CARMIL1: variants seen among roughly 807,000 people sequenced by gnomAD.
CARMIL1 encodes the protein capping protein regulator and myosin 1 linker 1.
CARMIL1 carries 90 observed loss-of-function variants against 177.1 expected under a neutral mutation model. The observed-to-expected ratio is 0.51, with a 90% CI of 0.43 to 0.61. The LOEUF is 0.61. CARMIL1 is among the 20% of genes least tolerant of loss of function. The probability of loss-of-function intolerance (pLI) is 0.00; values close to 1 mark genes in which losing one functional copy is unlikely to be tolerated. For synonymous variants in CARMIL1, 577 were observed against 606.2 expected, an observed-to-expected ratio of 0.95 and a Z score of 0.71; for missense variants, 1,380 against 1,667.0, an observed-to-expected ratio of 0.83 and a Z score of 3.00.
intron 24 of CARMIL1, among the ~76,000 whole-genome samples, chr6:25,532,016 C>A (rs372477035): frequency 3.3e-5 from 5 of 152,152 alleles, no homozygotes; most frequent in Non-Finnish European, 5.9e-5. Flanking sequence ...AGTGATCCAC[C>A]CACCTTGGCC....
chr6:25,357,450 G>GTAATT (rs569180388), intron 2 of CARMIL1, among the ~76,000 whole-genome samples: 221 of 152,174 alleles, frequency 1.5e-3, no homozygotes, highest in African/African-American at 5.1e-3. Context: ...CGGATGTGTT[G>GTAATT]GTACATGCTT....
intron 17 of CARMIL1, among the ~76,000 whole-genome samples, chr6:25,506,743 T>TA (rs891888413): frequency 6.0e-4 from 92 of 152,282 alleles, no homozygotes; most frequent in African/African-American, 2.1e-3. Flanking sequence ...AAAATTAATT[T>TA]AAAAAAAATT....
intron 2 of CARMIL1, among the ~76,000 whole-genome samples, chr6:25,299,791 A>G (rs1371932039): frequency 6.6e-6 from 1 of 152,024 alleles, no homozygotes; most frequent in East Asian, 1.9e-4. Context: ...CAGCCTGGCC[A>G]ACATGGCGAA....
At chr6:25,496,483 A>AC (rs1177415210) in intron 16 of CARMIL1, among the ~76,000 whole-genome samples, 1 of 151,880 alleles carries the variant, frequency 6.6e-6, no homozygotes, top group African/African-American at 2.4e-5. Flanking sequence ...AAAAAAAAAA[A>AC]AAAAAAACCA....
intron 2 of CARMIL1, among the ~76,000 whole-genome samples, chr6:25,383,080 A>G (rs1418627485): frequency 6.6e-6 from 1 of 152,148 alleles, no homozygotes; most frequent in African/African-American, 2.4e-5. Flanking sequence ...GTTGAGTACT[A>G]TGGGGTGATT....
chr6:25,408,037 A>G (rs1794546531), intron 2 of CARMIL1, among the ~76,000 whole-genome samples: 1 of 152,126 alleles, frequency 6.6e-6, no homozygotes, highest in African/African-American at 2.4e-5. Flanking sequence ...GTGCATGACT[A>G]TAATCCAAAC....
intron 2 of CARMIL1, among the ~76,000 whole-genome samples, chr6:25,360,711 G>C (rs1012710419): frequency 6.6e-6 from 1 of 152,206 alleles, no homozygotes; most frequent in Non-Finnish European, 1.5e-5. Flanking sequence ...GAGTAACAGG[G>C]ACATATTGGG....
intron 2 of CARMIL1, among the ~76,000 whole-genome samples, chr6:25,332,699 T>A (rs1785752265): frequency 6.7e-6 from 1 of 149,564 alleles, no homozygotes; most frequent in African/African-American, 2.5e-5. Context: ...AGGGTAGAGA[T>A]TCTGTCTCCA....
chr6:25,425,152 C>G (rs373154287), intron 3 of CARMIL1, among the ~76,000 whole-genome samples: 6 of 152,134 alleles, frequency 3.9e-5, no homozygotes, highest in Admixed American at 2.0e-4. Flanking sequence ...GCATTTAGCT[C>G]TTGGAGGACA....
At chr6:25,609,836 A>C (rs1166506477) in intron 35 of CARMIL1, among the ~76,000 whole-genome samples, 1 of 152,234 alleles carries the variant, frequency 6.6e-6, no homozygotes, top group Non-Finnish European at 1.5e-5. Context: ...ATATTTGTGC[A>C]GATATTAACT....
chr6:25,535,522 C>T (rs1306613740), intron 24 of CARMIL1, among the ~76,000 whole-genome samples: 1 of 152,108 alleles, frequency 6.6e-6, no homozygotes, highest in African/African-American at 2.4e-5. Flanking sequence ...AATTGAGCTT[C>T]ATAAACTATG....
At chr6:25,289,074 T>C (rs546718493) in intron 2 of CARMIL1, among the ~76,000 whole-genome samples, 2 of 152,298 alleles carry the variant, frequency 1.3e-5, no homozygotes, top group East Asian at 3.9e-4. Flanking sequence ...ATGATGCCTC[T>C]TGGGACAGTT....
At chr6:25,403,200 C>G (rs1054696613) in intron 2 of CARMIL1, among the ~76,000 whole-genome samples, 2 of 151,718 alleles carry the variant, frequency 1.3e-5, no homozygotes, top group Non-Finnish European at 2.9e-5. Flanking sequence ...GGGTGTAAAC[C>G]AAACTGTTAC....
At chr6:25,571,682 C>A (rs1275437413) in intron 29 of CARMIL1, among the ~76,000 whole-genome samples, 1 of 152,224 alleles carries the variant, frequency 6.6e-6, no homozygotes, top group African/African-American at 2.4e-5. Context: ...AGTAGTGGAA[C>A]AACCTGACAT....
At chr6:25,304,132 C>T (rs1468045838) in intron 2 of CARMIL1, among the ~76,000 whole-genome samples, 1 of 152,180 alleles carries the variant, frequency 6.6e-6, no homozygotes, top group African/African-American at 2.4e-5. Flanking sequence ...TGGGAGGGGA[C>T]ATCACAGAAA....
At chr6:25,330,125 G>A (rs1785481945) in intron 2 of CARMIL1, among the ~76,000 whole-genome samples, 1 of 152,226 alleles carries the variant, frequency 6.6e-6, no homozygotes, top group Non-Finnish European at 1.5e-5. Flanking sequence ...GCTTTATGCT[G>A]CTACCAGAGG....
chr6:25,330,470 G>T (rs1156827903), intron 2 of CARMIL1, among the ~76,000 whole-genome samples: 2 of 152,184 alleles, frequency 1.3e-5, no homozygotes, highest in Non-Finnish European at 2.9e-5. Context: ...TTGGTAACTG[G>T]ATTACAGTGT....
intron 1 of CARMIL1, among the ~76,000 whole-genome samples, chr6:25,284,546 C>T (rs1781385364): frequency 6.6e-6 from 1 of 152,174 alleles, no homozygotes; most frequent in Non-Finnish European, 1.5e-5. Context: ...CCCATCTCTA[C>T]TAAATACAAA....
chr6:25,289,946 T>C (rs767185485), intron 2 of CARMIL1, among the ~76,000 whole-genome samples: 1 of 152,172 alleles, frequency 6.6e-6, no homozygotes, highest in Non-Finnish European at 1.5e-5. Context: ...TGCCAAGGAG[T>C]GCAATTGCTG....
Sources: gnomAD v4.1 joint callset for allele counts (sites outside exome capture counted in the v4.1 genomes callset) on GRCh38, gnomAD v4.1.1 for gene constraint, MANE v1.5 for transcripts, NCBI Gene and HGNC (gene_info 2026-07-23, HGNC 2026-07-21) for gene names.